The following ZC3H6 variants were observed in gnomAD, a reference collection of about 807,000 sequenced individuals.
ZC3H6 encodes zinc finger CCCH-type containing 6, also known as zinc finger CCCH domain-containing protein 6.
Under a neutral mutation model 107.7 loss-of-function variants are expected in ZC3H6, and 40 were observed. The ratio of observed to expected loss-of-function variants is 0.37; its 90% CI spans 0.29 to 0.48. The LOEUF (loss-of-function observed/expected upper bound fraction) is 0.48, where lower values mean the gene tolerates loss of function less well. Ranked by LOEUF, ZC3H6 falls within the 20% of genes least tolerant of loss-of-function variation. The probability of loss-of-function intolerance (pLI) is 0.98; values close to 1 mark genes in which losing one functional copy is unlikely to be tolerated. For missense variants in ZC3H6, 1,267 were observed against 1,410.4 expected (o/e 0.90, Z 1.63); for synonymous variants, 493 against 487.9 (o/e 1.01, Z -0.14).
intron 11 of ZC3H6, 43 bp from the exon 12 acceptor site, chr2:112,330,962 G>C: frequency 2.2e-6 from 2 of 917,684 alleles, no homozygotes; most frequent in Non-Finnish European, 2.9e-6. Flanking sequence ...TATATTATAA[G>C]TTTATAATAT....
intron 1 of ZC3H6, among the ~76,000 whole-genome samples, chr2:112,277,027 C>A (rs879410646): frequency 6.6e-6 from 1 of 152,084 alleles, no homozygotes; most frequent in African/African-American, 2.4e-5. Context: ...GTAATGTGAT[C>A]GGCTTGGTAA....
At chr2:112,311,745 A>G (rs1232255845) in intron 4 of ZC3H6, 59 bp from the exon 5 acceptor site, 2 of 1,466,176 alleles carry the variant, frequency 1.4e-6, no homozygotes, top group Non-Finnish European at 1.9e-6. Context: ...CTTATAAACT[A>G]ATAAATTGAA....
chr2:112,320,544 G>A (rs1218659422), intron 7 of ZC3H6, among the ~76,000 whole-genome samples: 1 of 152,114 alleles, frequency 6.6e-6, no homozygotes, highest in Non-Finnish European at 1.5e-5. Flanking sequence ...TAAAAAAAAT[G>A]TTGTAATAGT....
intron 11 of ZC3H6, among the ~76,000 whole-genome samples, chr2:112,326,325 T>G (rs1020041469): frequency 3.3e-5 from 5 of 152,328 alleles, no homozygotes; most frequent in African/African-American, 1.2e-4. Context: ...TTTAAACTTT[T>G]GGTACCCATT....
chr2:112,287,665 G>A (rs76124611), intron 1 of ZC3H6, among the ~76,000 whole-genome samples: 6 of 151,440 alleles, frequency 4.0e-5, no homozygotes, highest in East Asian at 1.9e-4. Flanking sequence ...GCAGTGGCAC[G>A]ATCTCAGCTC....
In ZC3H6 at chr2:112,332,428, T is replaced by A. The variant is rs1436811243; in HGVS notation, c.3510T>A (p.Asp1170Glu). Residue 1170 changes from aspartate (D) to glutamate (E), a missense_variant, in exon 12 of 12, where the codon GAT (aspartate) becomes GAA (glutamate). Around this residue, in one of 3 missense-constraint regions of ZC3H6, gnomAD observed 925 missense variants for 1,025.7 expected, o/e 0.90. Transcript: ENST00000409871. ...TPDNDPGRET[D>E]DKSLKEVFKT... ...ATAATGATCCCGGTAGAGAAACAGA[T>A]GACAAATCTCTGAAAGAGGTTTTTA... is the stretch of plus-strand genomic sequence containing the variant. 1.2e-6 allele frequency: 2 copies of A among 1,611,484 alleles called. No homozygotes were observed. The highest frequency in any genetic ancestry group is 2.2e-5 in the South Asian group (2 of 90,734).
At chr2:112,294,733 G>A (rs1401956293) in intron 1 of ZC3H6, among the ~76,000 whole-genome samples, 1 of 152,126 alleles carries the variant, frequency 6.6e-6, no homozygotes, top group African/African-American at 2.4e-5. Context: ...GAAAAAAGTA[G>A]AATCCTCTAT....
intron 1 of ZC3H6, among the ~76,000 whole-genome samples, chr2:112,289,328 T>C (rs139879757): frequency 3.9e-4 from 46 of 116,654 alleles, no homozygotes; most frequent in South Asian, 8.0e-4. Context: ...TTTTCTTTTT[T>C]TTTTTTTTTT....
chr2:112,308,127 T>C (rs551964132), intron 3 of ZC3H6, among the ~76,000 whole-genome samples: 2 of 152,268 alleles, frequency 1.3e-5, no homozygotes, highest in African/African-American at 4.8e-5. Context: ...CTTTAAAAAA[T>C]GTCAGAAACA....
chr2:112,323,034 G>A, intron 9 of ZC3H6, 132 bp downstream of exon 9: 3 of 975,098 alleles, frequency 3.1e-6, no homozygotes, highest in Non-Finnish European at 4.4e-6. Context: ...CATGCACGCA[G>A]ATTGTTGCTT....
intron 1 of ZC3H6, among the ~76,000 whole-genome samples, chr2:112,294,508 G>A (rs1205569533): frequency 1.3e-5 from 2 of 152,110 alleles, no homozygotes; most frequent in Non-Finnish European, 2.9e-5. Context: ...CAAGAAGTTT[G>A]CATTCATGAG....
rs1045169758 is a variant in ZC3H6, at chr2:112,339,899, C to G, written c.*7411C>G. On this transcript the variant is annotated 3_prime_UTR_variant, in exon 12 of 12. Transcript: ENST00000409871. ...TACTTTGCTGAACTGATAAATTATT[C>G]TATTAAGGACTAACCCAGTACTTGG... 1.2e-4 allele frequency: 18 copies of G among 152,076 alleles called. No homozygotes were observed. The highest frequency in any genetic ancestry group is 3.9e-4 in the African/African-American group (16 of 41,420). The allele number at this position is 152,076 out of a possible 1,614,324, so 9.4% of individuals were successfully genotyped here. A position where few individuals can be genotyped will look rare whatever the true frequency, so the allele number is the denominator to read the frequency against.
At chr2:112,328,938 CAAAAA>C (rs11317176) in intron 11 of ZC3H6, among the ~76,000 whole-genome samples, 3 of 115,230 alleles carry the variant, frequency 2.6e-5, no homozygotes, top group Admixed American at 8.6e-5. Flanking sequence ...GACTCTGTCT[CAAAAA>C]AAAAAAAAAA....
intron 7 of ZC3H6, among the ~76,000 whole-genome samples, chr2:112,321,444 ATATC>A (rs571110904): frequency 7.4e-4 from 113 of 152,190 alleles, no homozygotes; most frequent in African/African-American, 2.7e-3. Flanking sequence ...TATAATTAAA[ATATC>A]TAACCTTAAT....
intron 2 of ZC3H6, among the ~76,000 whole-genome samples, chr2:112,302,667 A>G (rs1238439409): frequency 6.6e-6 from 1 of 152,148 alleles, no homozygotes; most frequent in Non-Finnish European, 1.5e-5. Context: ...CTTACTCTTG[A>G]TATCAATTAT....
Position 112,335,123 on chromosome 2 carries a change from A to G in ZC3H6, c.*2635A>G, listed in dbSNP as rs1244036695. ...TGAGATTCAGCAACTGCTGTCTCAT[A>G]TCTTGGTTAAGACCTCATTGTGAAC... On this transcript the variant is annotated 3_prime_UTR_variant, in exon 12 of 12. Coordinates refer to ENST00000409871, the MANE Select transcript of ZC3H6 (RefSeq NM_198581.3). The G allele has an allele frequency of 1.3e-5, 2 of 152,200 alleles. No individual in the cohort carries two copies. Among genetic ancestry groups the G allele is most frequent in the Non-Finnish European group, 2.9e-5 (2 of 68,030 alleles). The allele number at this position is 152,200 out of a possible 1,614,324, so 9.4% of individuals were successfully genotyped here.
intron 1 of ZC3H6, among the ~76,000 whole-genome samples, chr2:112,286,963 A>G (rs1686621232): frequency 6.6e-6 from 1 of 152,206 alleles, no homozygotes; most frequent in Non-Finnish European, 1.5e-5. Flanking sequence ...CAGTTAATCT[A>G]GTAGCAGATA....
At chr2:112,293,783 A>C (rs183378555) in intron 1 of ZC3H6, among the ~76,000 whole-genome samples, 54 of 152,382 alleles carry the variant, frequency 3.5e-4, no homozygotes, top group Admixed American at 2.0e-3. Flanking sequence ...CAAGTTATCT[A>C]TCAAGCAAGC....
chr2:112,275,657 A>T lies in ZC3H6; in HGVS notation c.-338A>T, dbSNP rs1472067895. ...ATGTTGGTGAGGAGAAATCACCGTT[A>T]CGGCCACTGTCCAAATCCCCGCGTC... is the stretch of plus-strand genomic sequence containing the variant. On this transcript the variant is annotated 5_prime_UTR_variant, in exon 1 of 12. Transcript: ENST00000409871. The T allele has an allele frequency of 2.5e-6, 1 of 404,040 alleles. No homozygotes were observed. The allele number at this position is 404,040 out of a possible 1,614,324, so 25.0% of individuals were successfully genotyped here. A position where few individuals can be genotyped will look rare whatever the true frequency, so the allele number is the denominator to read the frequency against.
Sources: allele counts gnomAD v4.1 joint callset (sites outside exome capture counted in the v4.1 genomes callset), GRCh38; gene constraint gnomAD v4.1.1; regional missense constraint gnomAD v4.1.1; transcripts MANE v1.5; gene names NCBI Gene and HGNC (gene_info 2026-07-23, HGNC 2026-07-21).